The following CELSR1 variants were observed in gnomAD, a reference collection of about 807,000 sequenced individuals.
CELSR1 encodes cadherin EGF LAG seven-pass G-type receptor 1, also known as adhesion G protein-coupled receptor C1.
In CELSR1, 110 loss-of-function variants were observed where a neutral mutation model predicts 249.1. The observed-to-expected ratio is 0.44, with a 90% CI of 0.38 to 0.52. CELSR1 has a LOEUF of 0.52. Among genes scored for constraint, CELSR1 ranks in the 20% least tolerant of loss-of-function variants. The probability of loss-of-function intolerance (pLI) is 0.00; values close to 1 mark genes in which losing one functional copy is unlikely to be tolerated. For missense variants in CELSR1, 4,109 were observed against 4,296.4 expected (o/e 0.96, Z 1.22); for synonymous variants, 2,113 against 1,900.0 (o/e 1.11, Z -2.92).
In CELSR1 at chr22:46,474,073, G is replaced by T. The variant is rs560507166; in HGVS notation, c.3545-9728C>A. 9.2e-5 allele frequency among the ~76,000 whole-genome samples: 14 copies of T among 152,266 alleles called. No individual in the cohort carries two copies. In the South Asian group the frequency reaches 2.9e-3, roughly 32 times the overall value. ...GGAGAGCAGAGTCTCATCCCAGCAC[G>T]AGCGTCTCCAGCAAGCCGGACTGTA... is the stretch of plus-strand genomic sequence containing the variant. On this transcript the variant is annotated intron_variant, in intron 1 of 34. Coordinates refer to ENST00000674500, the MANE Select transcript of CELSR1 (RefSeq NM_001378328.1).
rs571185649 is a variant in CELSR1, at chr22:46,527,404, T to C, written c.3544+6223A>G. Among the ~76,000 whole-genome samples, 14 of 152,062 alleles carry C rather than the reference T, an allele frequency of 9.2e-5. No individual in the cohort carries two copies. The highest frequency in any genetic ancestry group is 1.6e-4 in the Non-Finnish European group (11 of 68,008). ...ACCAAACCCTCCACAGTCAGCCCTC[T>C]CTCGACCCGGGGGATCCATCTGACT... On this transcript the variant is annotated intron_variant, in intron 1 of 34. Coordinates refer to ENST00000674500, the MANE Select transcript of CELSR1 (RefSeq NM_001378328.1). This position sits in a 1 kb window ranked among gnomAD's most constrained non-coding sequence, Gnocchi z 5.5.
chr22:46,536,487 C>A lies in CELSR1; in HGVS notation c.684G>T (p.Gly228=). The A allele has an allele frequency of 1.9e-6, 3 of 1,592,740 alleles. No homozygotes were observed. The highest frequency in any genetic ancestry group is 2.6e-6 in the Non-Finnish European group (3 of 1,171,140). Residue 228 remains glycine (G), a synonymous_variant, in exon 1 of 35, where the codon GGG becomes GGT. Transcript: ENST00000674500. ...TGCCCCGCCGGGCCCGTCGCGCCGG[C>A]CCCGCCCGGGCTTCGGGCAAGTTCG... ...LPPNLPEARA[G]PARRARRGTS...
rs2078972530 is a variant in CELSR1 at position 46,381,014 on chromosome 22, C to G, written c.7089-59G>C. ...ACGGTGAGGAAACATCTGCTTAAAT[C>G]CCGCGCACAAATGCCCTGAGGACAC... On this transcript the variant is annotated intron_variant, in intron 21 of 34. Coordinates refer to ENST00000674500, the MANE Select transcript of CELSR1 (RefSeq NM_001378328.1). This position sits in a 1 kb window ranked among gnomAD's most constrained non-coding sequence, Gnocchi z 6.0. 1.3e-6 allele frequency: 2 copies of G among 1,558,676 alleles called. No individual in the cohort carries two copies. The highest frequency in any genetic ancestry group is 8.8e-7 in the Non-Finnish European group (1 of 1,139,664).
chr22:46,531,644 G>GC (rs1569222996), intron 1 of CELSR1, among the ~76,000 whole-genome samples: 1 of 152,198 alleles, frequency 6.6e-6, no homozygotes, highest in Non-Finnish European at 1.5e-5. Flanking sequence ...AACGCCGAGT[G>GC]CCCCCCACTG....
At chr22:46,492,094 C>A (rs969093881) in intron 1 of CELSR1, among the ~76,000 whole-genome samples, 2 of 152,224 alleles carry the variant, frequency 1.3e-5, no homozygotes, top group South Asian at 2.1e-4. Context: ...ACGGTCAGGG[C>A]GCTGCGACCT....
At position 46,430,390 on chromosome 22, in the gene CELSR1, G is replaced by T. The variant is rs2079581252; in HGVS notation, c.4611+3003C>A. On this transcript the variant is annotated intron_variant, in intron 5 of 34. Coordinates refer to ENST00000674500, the MANE Select transcript of CELSR1 (RefSeq NM_001378328.1). This position sits in a 1 kb window ranked among gnomAD's most constrained non-coding sequence, Gnocchi z 4.6. ...AAGGACACAGCTGGGCGGGGCAGGG[G>T]GGATGACCGTCTGCATCAGCCAAGG... Among the ~76,000 whole-genome samples the T allele has an allele frequency of 6.6e-6, 1 of 152,180 alleles. No individual in the cohort carries two copies. The highest frequency in any genetic ancestry group is 2.4e-5 in the African/African-American group (1 of 41,436).
At chr22:46,507,410 C>T (rs561906723) in intron 1 of CELSR1, among the ~76,000 whole-genome samples, 4 of 152,054 alleles carry the variant, frequency 2.6e-5, no homozygotes, top group Non-Finnish European at 5.9e-5. Flanking sequence ...AGGCAGGGGG[C>T]CCATGATGAC....
rs1371973798 is a variant in CELSR1 at position 46,374,489 on chromosome 22, G to C, written c.7585-1432C>G. Among the ~76,000 whole-genome samples the C allele has an allele frequency of 6.6e-6, 1 of 152,174 alleles. No homozygotes were observed. The highest frequency in any genetic ancestry group is 1.5e-5 in the Non-Finnish European group (1 of 68,018). ...ACCTCGCCCAGAGATAGGATTGTGG[G>C]TTTACAAAAAAACCATAAAGCCCAG... On this transcript the variant is annotated intron_variant, in intron 24 of 34. Transcript: ENST00000674500. This position sits in a 1 kb window ranked among gnomAD's most constrained non-coding sequence, Gnocchi z 4.3.
intron 1 of CELSR1, among the ~76,000 whole-genome samples, chr22:46,515,838 C>T (rs1197176282): frequency 6.6e-6 from 1 of 152,242 alleles, no homozygotes; most frequent in Non-Finnish European, 1.5e-5. Flanking sequence ...CCAGCATCCA[C>T]AGCACAGTCG....
rs954583476 is a variant in CELSR1 at position 46,377,276 on chromosome 22, G to A, written c.7384-15C>T. 5.0e-6 allele frequency: 8 copies of A among 1,612,870 alleles called. No homozygotes were observed. The highest frequency in any genetic ancestry group is 3.3e-5 in the South Asian group (3 of 91,010). ...ACCTCCCCGTTCTATGGGCAGGAGGGTTAAAGGCAGGAGAGAAGGTAAGGG... is the reference window on the plus strand; with the variant it reads ...ACCTCCCCGTTCTATGGGCAGGAGGATTAAAGGCAGGAGAGAAGGTAAGGG... On this transcript the variant is annotated splice_polypyrimidine_tract_variant and intron_variant, in intron 23 of 34. Coordinates refer to ENST00000674500, the MANE Select transcript of CELSR1 (RefSeq NM_001378328.1).
rs575484911 is a variant in CELSR1, at chr22:46,437,993, C to T, written c.4406+1196G>A. Among the ~76,000 whole-genome samples, 45 of 152,290 alleles carry T rather than the reference C, an allele frequency of 3.0e-4. No homozygotes were observed. Among genetic ancestry groups the T allele is most frequent in the African/African-American group, 8.7e-4 (36 of 41,560 alleles). On this transcript the variant is annotated intron_variant, in intron 3 of 34. Coordinates refer to ENST00000674500, the MANE Select transcript of CELSR1 (RefSeq NM_001378328.1). The surrounding 1 kb of genome is among the most constrained non-coding windows in gnomAD (Gnocchi z 4.9). Reference sequence around the variant, plus strand: ...GCCTTTGGTGGGTTTCACTTCTGTGCGGTTCCCTTTGGACCCAGGTGGGGG... The same window carrying T: ...GCCTTTGGTGGGTTTCACTTCTGTGTGGTTCCCTTTGGACCCAGGTGGGGG...
At chr22:46,385,716 C>T (rs1157423283) in intron 19 of CELSR1, among the ~76,000 whole-genome samples, 8 of 148,982 alleles carry the variant, frequency 5.4e-5, no homozygotes, top group Non-Finnish European at 1.2e-4. Context: ...CTGGCTCTCT[C>T]GCCCAGGCTG....
chr22:46,507,905 C>G lies in CELSR1; in HGVS notation c.3544+25722G>C, dbSNP rs548008036. On this transcript the variant is annotated intron_variant, in intron 1 of 34. Coordinates refer to ENST00000674500, the MANE Select transcript of CELSR1 (RefSeq NM_001378328.1). The stretch of plus-strand genomic sequence containing the variant: ...GAAAGGACATGGCTACCTCCTCACA[C>G]CCCCCTACCTCCCACCTCAGCCGTC... Among the ~76,000 whole-genome samples, 6 of 149,036 alleles carry G rather than the reference C, an allele frequency of 4.0e-5. No homozygotes were observed. The South Asian group carries it at 1.2e-3, about 31-fold the overall frequency.
At chr22:46,370,045 G>T (rs1331702583) in intron 25 of CELSR1, 1 of 603,432 alleles carries the variant, frequency 1.7e-6, no homozygotes, top group Admixed American at 2.1e-5. Flanking sequence ...GAGGCAGGGG[G>T]CGTATCTGGG....
At position 46,431,273 on chromosome 22, in the gene CELSR1, C is replaced by A. The variant is rs1251435045; in HGVS notation, c.4611+2120G>T. Among the ~76,000 whole-genome samples the A allele has an allele frequency of 3.3e-5, 5 of 152,350 alleles. No individual in the cohort carries two copies. In the East Asian group the frequency reaches 9.7e-4, roughly 29 times the overall value. ...CAGTGAACACTCACTGTGTTCAGAG[C>A]CAGGGCGGAGTGTGGACAGAGGTGG... On this transcript the variant is annotated intron_variant, in intron 5 of 34. Transcript: ENST00000674500.
chr22:46,420,170 G>A (rs2147371387), intron 5 of CELSR1, among the ~76,000 whole-genome samples: 1 of 147,376 alleles, frequency 6.8e-6, no homozygotes, highest in Non-Finnish European at 1.5e-5. Flanking sequence ...ACCCACACGT[G>A]CACTCATTCA....
At chr22:46,509,673 G>T (rs1224226981) in intron 1 of CELSR1, among the ~76,000 whole-genome samples, 1 of 152,188 alleles carries the variant, frequency 6.6e-6, no homozygotes, top group African/African-American at 2.4e-5. Flanking sequence ...AGACCCTGCT[G>T]TCAGCTCAAG....
intron 2 of CELSR1, among the ~76,000 whole-genome samples, chr22:46,458,479 G>A (rs116237831): frequency 3.9e-5 from 6 of 152,224 alleles, no homozygotes; most frequent in Non-Finnish European, 7.3e-5. Flanking sequence ...GAACTGGGCT[G>A]GGGAGGCAGC....
chr22:46,464,076 C>T lies in CELSR1; in HGVS notation c.3814G>A (p.Gly1272Ser), dbSNP rs753134419. Residue 1272 changes from glycine (G) to serine (S), a missense_variant, in exon 2 of 35, where the codon GGC (glycine) becomes AGC (serine). Gly to Ser is a moderately conservative substitution (Grantham distance 56, BLOSUM62 0). Around this residue, in one of 7 missense-constraint regions of CELSR1, gnomAD observed 141 missense variants for 209.4 expected, o/e 0.67. Coordinates refer to ENST00000674500, the MANE Select transcript of CELSR1 (RefSeq NM_001378328.1). This position sits in a 1 kb window ranked among gnomAD's most constrained non-coding sequence, Gnocchi z 8.5. ...AGGTCCTCCGACGGGAAGAACTGGC[C>T]GCGGACGCCGCCAGGCAGCAGCGCC... ...FSALLPGGVR[G>S]QFFPSEDLQE... 22 of 1,613,672 alleles carry T rather than the reference C, an allele frequency of 1.4e-5. No homozygotes were observed. The highest frequency in any genetic ancestry group is 5.0e-5 in the Admixed American group (3 of 60,014).
Sources: allele counts gnomAD v4.1 joint callset (sites outside exome capture counted in the v4.1 genomes callset), GRCh38; gene constraint gnomAD v4.1.1; regional missense constraint gnomAD v4.1.1; non-coding constraint Gnocchi (gnomAD v3.1); transcripts MANE v1.5; gene names NCBI Gene and HGNC (gene_info 2026-07-23, HGNC 2026-07-21).